PLD5: variants seen among roughly 807,000 people sequenced by gnomAD.
The protein encoded by PLD5 is phospholipase D family member 5.
PLD5 carries 36 observed loss-of-function variants against 61.1 expected under a neutral mutation model. That is an observed-to-expected ratio of 0.59 (90% CI 0.45 to 0.78). The LOEUF is 0.78. PLD5 is among the 30% of genes least tolerant of loss of function. The probability of loss-of-function intolerance (pLI) is 0.00; values close to 1 mark genes in which losing one functional copy is unlikely to be tolerated. For synonymous variants in PLD5, 243 were observed against 242.8 expected (o/e 1.00, Z -0.01); for missense variants, 515 against 644.4 (o/e 0.80, Z 2.17).
intron 1 of PLD5, among the ~76,000 whole-genome samples, chr1:242,506,011 T>C (rs2102995204): frequency 6.6e-6 from 1 of 152,356 alleles, no homozygotes; most frequent in East Asian, 1.9e-4. Context: ...ATTTTTGTCT[T>C]AAAAACTTAT....
At chr1:242,108,624 TAAAAC>T (rs1661247661) in intron 7 of PLD5, among the ~76,000 whole-genome samples, 1 of 152,166 alleles carries the variant, frequency 6.6e-6, no homozygotes, top group Non-Finnish European at 1.5e-5. Context: ...ATTCTTATGT[TAAAAC>T]AAAAAGCTTT....
At chr1:242,127,738 A>G (rs1016284096) in intron 5 of PLD5, among the ~76,000 whole-genome samples, 2 of 152,182 alleles carry the variant, frequency 1.3e-5, no homozygotes, top group Non-Finnish European at 2.9e-5. Context: ...GCGCACCAAA[A>G]TCTCACAAAT....
chr1:242,348,304 G>C, intron 1 of PLD5, 62 bp from the exon 2 acceptor site: 3 of 1,513,732 alleles, frequency 2.0e-6, no homozygotes, highest in South Asian at 2.5e-5. Context: ...GGAAACTCAA[G>C]AAGTGACAAC....
intron 5 of PLD5, among the ~76,000 whole-genome samples, chr1:242,139,894 T>C (rs1292131488): frequency 3.3e-5 from 5 of 152,170 alleles, no homozygotes; most frequent in Admixed American, 6.5e-5. Flanking sequence ...ACAGAGGCCA[T>C]TGGCAGGGAA....
intron 2 of PLD5, among the ~76,000 whole-genome samples, chr1:242,312,403 G>A (rs1438859430): frequency 2.6e-5 from 4 of 151,998 alleles, no homozygotes; most frequent in Non-Finnish European, 5.9e-5. Flanking sequence ...TTGGACCTGT[G>A]TGCACGCTTT....
At chr1:242,336,515 A>T (rs926418175) in intron 2 of PLD5, among the ~76,000 whole-genome samples, 1 of 151,986 alleles carries the variant, frequency 6.6e-6, no homozygotes, top group Non-Finnish European at 1.5e-5. Context: ...AAGGCGTGGA[A>T]AAAAATCGTT....
At chr1:242,322,898 A>G (rs536507402) in intron 2 of PLD5, among the ~76,000 whole-genome samples, 61 of 152,268 alleles carry the variant, frequency 4.0e-4, no homozygotes, top group African/African-American at 1.2e-3. Flanking sequence ...ATGTATATAT[A>G]TGTGTGTATG....
At chr1:242,185,768 AT>A (rs1007957015) in intron 5 of PLD5, among the ~76,000 whole-genome samples, 31 of 151,264 alleles carry the variant, frequency 2.0e-4, no homozygotes, top group African/African-American at 7.0e-4. Flanking sequence ...CCTCTCTGCT[AT>A]TTTTTTTTAA....
chr1:242,275,361 C>T (rs4658800), intron 3 of PLD5, among the ~76,000 whole-genome samples: 45,962 of 151,536 alleles, frequency 0.3, 7,930 homozygotes, highest in Middle Eastern at 0.46. Flanking sequence ...TATTTATTTA[C>T]TTATATTACT....
At chr1:242,122,472 C>T (rs1035272569) in intron 6 of PLD5, among the ~76,000 whole-genome samples, 7 of 152,164 alleles carry the variant, frequency 4.6e-5, no homozygotes, top group East Asian at 1.9e-4. Flanking sequence ...AAGCGATCCA[C>T]GCTTGGCATG....
intron 1 of PLD5, among the ~76,000 whole-genome samples, chr1:242,415,703 C>T (rs1418796750): frequency 2.0e-5 from 3 of 151,748 alleles, no homozygotes; most frequent in Admixed American, 6.6e-5. Flanking sequence ...TTAGTAGAGA[C>T]GGGGTTTCAC....
chr1:242,500,592 T>C (rs908554242), intron 1 of PLD5, among the ~76,000 whole-genome samples: 1 of 152,170 alleles, frequency 6.6e-6, no homozygotes, highest in Non-Finnish European at 1.5e-5. Context: ...GTTGGTACAG[T>C]TGCAGTCAGT....
At chr1:242,274,376 G>A (rs955434867) in intron 3 of PLD5, among the ~76,000 whole-genome samples, 1 of 152,104 alleles carries the variant, frequency 6.6e-6, no homozygotes, top group Non-Finnish European at 1.5e-5. Flanking sequence ...ACATAGTGAG[G>A]GTCTGTTTCT....
chr1:242,503,948 T>C lies in PLD5; in HGVS notation c.189+20140A>G, dbSNP rs1668639880. ...CACATTTTTTATGTGGGATAAAAGA[T>C]TGCTTTACTATTTAAGACATTCTGC... On this transcript the variant is annotated intron_variant, in intron 1 of 9. Coordinates refer to ENST00000536534, the MANE Select transcript of PLD5 (RefSeq NM_001372062.1). Among the ~76,000 whole-genome samples, 4 of 152,300 alleles carry C rather than the reference T, an allele frequency of 2.6e-5. No individual in the cohort carries two copies. In the South Asian group the frequency reaches 8.3e-4, roughly 32 times the overall value.
At chr1:242,121,120 TTGTC>T (rs1453760358) in intron 6 of PLD5, among the ~76,000 whole-genome samples, 3 of 152,302 alleles carry the variant, frequency 2.0e-5, no homozygotes, top group Non-Finnish European at 4.4e-5. Flanking sequence ...ATCTTGGCAT[TTGTC>T]TGGCATATAT....
intron 7 of PLD5, among the ~76,000 whole-genome samples, chr1:242,112,358 G>T (rs1661598011): frequency 7.4e-6 from 1 of 135,782 alleles, no homozygotes; most frequent in Admixed American, 7.3e-5. Flanking sequence ...TATATAGATG[G>T]AGTCTCACTC....
At chr1:242,258,287 G>A (rs762245713) in intron 4 of PLD5, among the ~76,000 whole-genome samples, 1 of 152,122 alleles carries the variant, frequency 6.6e-6, no homozygotes, top group Non-Finnish European at 1.5e-5. Flanking sequence ...TGAATTCTCC[G>A]AATTTCCATC....
intron 5 of PLD5, among the ~76,000 whole-genome samples, chr1:242,167,208 C>CTAACT (rs1370176582): frequency 2.6e-5 from 4 of 152,020 alleles, no homozygotes; most frequent in Non-Finnish European, 2.9e-5. Context: ...ACTATAATAA[C>CTAACT]TAACTTATTA....
At chr1:242,174,740 TC>T (rs575770134) in intron 5 of PLD5, among the ~76,000 whole-genome samples, 1 of 152,178 alleles carries the variant, frequency 6.6e-6, no homozygotes, top group East Asian at 1.9e-4. Flanking sequence ...TGAGTTCATG[TC>T]CTTTGTAGGG....
Sources: allele counts gnomAD v4.1 joint callset (sites outside exome capture counted in the v4.1 genomes callset), GRCh38; gene constraint gnomAD v4.1.1; transcripts MANE v1.5; gene names NCBI Gene and HGNC (gene_info 2026-07-23, HGNC 2026-07-21).